ATE1: variants seen among roughly 807,000 people sequenced by gnomAD.
The protein encoded by ATE1 is arginyltransferase 1.
In ATE1, 36 loss-of-function variants were observed where a neutral mutation model predicts 70.5. The ratio of observed to expected loss-of-function variants is 0.51; its 90% CI spans 0.39 to 0.67. The LOEUF is 0.67. ATE1 is among the 30% of genes least tolerant of loss of function. The pLI is 0.00. For missense variants in ATE1, 593 were observed against 629.5 expected (o/e 0.94, Z 0.62); for synonymous variants, 232 against 219.3 (o/e 1.06, Z -0.51).
chr10:121,860,362 C>T (rs10466217), intron 8 of ATE1, among the ~76,000 whole-genome samples: 20,048 of 152,234 alleles, frequency 0.13, 1,521 homozygotes, highest in East Asian at 0.19. Flanking sequence ...ACCATGCCAA[C>T]ACACAATCAC....
At chr10:121,874,838 T>C (rs1195101631) in intron 7 of ATE1, among the ~76,000 whole-genome samples, 3 of 150,910 alleles carry the variant, frequency 2.0e-5, no homozygotes, top group Non-Finnish European at 4.4e-5. Flanking sequence ...ACCCCGTCTC[T>C]ACTAAAACAT....
rs1950869452 is a variant in ATE1 at position 121,898,792 on chromosome 10, C to G, written c.942+1074G>C. The G allele has an allele frequency of 5.6e-6, 9 of 1,601,182 alleles. No individual in the cohort carries two copies. In the East Asian group the frequency reaches 2.0e-4, roughly 36 times the overall value. The stretch of plus-strand genomic sequence containing the variant: ...TGACAAGAAAATGGTATATATTATA[C>G]TTCTTCCCAGACAACCTTATCAACA... On this transcript the variant is annotated intron_variant, in intron 7 of 11. Coordinates refer to ENST00000224652, the MANE Select transcript of ATE1 (RefSeq NM_001001976.3).
intron 8 of ATE1, among the ~76,000 whole-genome samples, chr10:121,868,440 T>G (rs1193558032): frequency 1.3e-5 from 2 of 152,210 alleles, no homozygotes; most frequent in Non-Finnish European, 2.9e-5. Flanking sequence ...TTTGATACTT[T>G]CCATTGCTTT....
intron 7 of ATE1, among the ~76,000 whole-genome samples, chr10:121,898,457 CTTG>C (rs1204000802): frequency 6.6e-6 from 1 of 152,160 alleles, no homozygotes; most frequent in African/African-American, 2.4e-5. Context: ...TTCTAATTCA[CTTG>C]TTGTTAAGGT....
intron 7 of ATE1, among the ~76,000 whole-genome samples, chr10:121,870,423 GAGA>G (rs1324116263): frequency 3.3e-5 from 5 of 152,262 alleles, no homozygotes; most frequent in African/African-American, 1.2e-4. Flanking sequence ...TAAATGCCAA[GAGA>G]AGAAGATATA....
At chr10:121,796,303 A>G (rs1402030341) in intron 10 of ATE1, among the ~76,000 whole-genome samples, 3 of 152,210 alleles carry the variant, frequency 2.0e-5, no homozygotes, top group African/African-American at 7.2e-5. Flanking sequence ...ATAACGTTTA[A>G]AAATACTAAA....
chr10:121,879,348 T>C (rs538251183), intron 7 of ATE1, among the ~76,000 whole-genome samples: 5 of 152,216 alleles, frequency 3.3e-5, no homozygotes, highest in African/African-American at 7.2e-5. Context: ...TATCTATTCT[T>C]ACCTTCCACC....
chr10:121,917,257 T>C (rs74158469), intron 3 of ATE1, among the ~76,000 whole-genome samples: 2,396 of 152,288 alleles, frequency 0.016, 65 homozygotes, highest in African/African-American at 0.05. Context: ...CAAGGGACTT[T>C]TCTCAAGTAG....
intron 11 of ATE1, among the ~76,000 whole-genome samples, chr10:121,776,808 A>T (rs982580680): frequency 6.6e-6 from 1 of 152,202 alleles, no homozygotes; most frequent in East Asian, 1.9e-4. Flanking sequence ...CTTACAGGGG[A>T]CTACAGTTGA....
intron 7 of ATE1, among the ~76,000 whole-genome samples, chr10:121,890,607 T>C (rs997964774): frequency 5.3e-5 from 8 of 152,196 alleles, no homozygotes; most frequent in South Asian, 2.1e-4. Context: ...ATGAGATTAC[T>C]GGGTTTATGA....
chr10:121,910,077 G>A (rs1951359536), intron 5 of ATE1, among the ~76,000 whole-genome samples: 1 of 152,110 alleles, frequency 6.6e-6, no homozygotes, highest in African/African-American at 2.4e-5. Flanking sequence ...TGAACTATTA[G>A]TATTAATTAG....
At chr10:121,876,757 C>G (rs1448191133) in intron 7 of ATE1, among the ~76,000 whole-genome samples, 6 of 152,098 alleles carry the variant, frequency 3.9e-5, no homozygotes, top group South Asian at 2.1e-4. Context: ...ACGATGTCAG[C>G]AGATCGAGAC....
chr10:121,902,619 G>A lies in ATE1; in HGVS notation c.585C>T (p.Gly195=). 1.3e-6 allele frequency: 2 copies of A among 1,595,026 alleles called. No individual in the cohort carries two copies. Among genetic ancestry groups the A allele is most frequent in the Non-Finnish European group, 1.7e-6 (2 of 1,170,518 alleles). The part of the protein sequence containing the change: ...SVKVHTVPKP[G]KGADLSKPPC... Reference sequence around the variant, plus strand: ...GAGGCTTACTCAAATCAGCCCCTTTGCCTAAAAAGAATTTTAAAATATTAG... The same window carrying A: ...GAGGCTTACTCAAATCAGCCCCTTTACCTAAAAAGAATTTTAAAATATTAG... Residue 195 remains glycine (G), a splice_region_variant and synonymous_variant, in exon 6 of 12, where the codon GGC becomes GGT. Transcript: ENST00000224652.
intron 4 of ATE1, among the ~76,000 whole-genome samples, chr10:121,911,791 G>T (rs1387331383): frequency 6.6e-6 from 1 of 151,682 alleles, no homozygotes; most frequent in African/African-American, 2.4e-5. Flanking sequence ...CTGTCGCCCA[G>T]GCTGCAGTGC....
chr10:121,865,449 T>C (rs948931129), intron 8 of ATE1, among the ~76,000 whole-genome samples: 2 of 152,208 alleles, frequency 1.3e-5, no homozygotes, highest in South Asian at 4.1e-4. Context: ...CTGGCAAAGT[T>C]TGACTCAGAT....
rs750353736 is a variant in ATE1, at chr10:121,927,955, C to T, written c.-6G>A. 4.6e-6 allele frequency: 7 copies of T among 1,533,578 alleles called. No individual in the cohort carries two copies. Among genetic ancestry groups the T allele is most frequent in the Non-Finnish European group, 2.6e-6 (3 of 1,141,976 alleles). The allele number at this position is 1,533,578 out of a possible 1,614,324, so 95.0% of individuals were successfully genotyped here. ...CCCCCCGCCCAGAAAGCCATGGCCT[C>T]GGCCCCGCGAACGCTCAGCCGCCCG... On this transcript the variant is annotated 5_prime_UTR_variant, in exon 1 of 12. Transcript: ENST00000224652.
At position 121,754,660 on chromosome 10, in the gene ATE1, C is replaced by A. The variant is rs75659821; in HGVS notation, c.1379-10802G>T. On this transcript the variant is annotated intron_variant, in intron 11 of 11. Transcript: ENST00000224652. ...AGTAATAAGTGATTGAGGCAAGAATCGTCAATGGATGTAAAAACCAGTAGA... is the reference window on the plus strand; with the variant it reads ...AGTAATAAGTGATTGAGGCAAGAATAGTCAATGGATGTAAAAACCAGTAGA... Among the ~76,000 whole-genome samples, 3 of 152,122 alleles carry A rather than the reference C, an allele frequency of 2.0e-5. No individual in the cohort carries two copies. In the East Asian group the frequency reaches 5.8e-4, roughly 29 times the overall value.
intron 7 of ATE1, among the ~76,000 whole-genome samples, chr10:121,870,458 A>AAGGGGAGAGGAAAGACC (rs1048417908): frequency 1.1e-4 from 16 of 151,786 alleles, no homozygotes; most frequent in Admixed American, 4.0e-4. Context: ...AGACCAACAA[A>AAGGGGAGAGGAAAGACC]AGGGGAGAGG....
intron 10 of ATE1, among the ~76,000 whole-genome samples, chr10:121,805,619 A>C (rs1947065887): frequency 6.6e-6 from 1 of 152,256 alleles, no homozygotes; most frequent in Admixed American, 6.5e-5. Context: ...AAATGTTTAA[A>C]TTGTATAAAG....
Sources: allele counts gnomAD v4.1 joint callset (sites outside exome capture counted in the v4.1 genomes callset), GRCh38; gene constraint gnomAD v4.1.1; transcripts MANE v1.5; gene names NCBI Gene and HGNC (gene_info 2026-07-23, HGNC 2026-07-21).